Variants in TBL1XR1 observed in about 807,000 individuals in gnomAD.
The protein encoded by TBL1XR1 is F-box-like/WD repeat-containing protein TBL1XR1.
Under a neutral mutation model 66.9 loss-of-function variants are expected in TBL1XR1, and 5 were observed. That is an observed-to-expected ratio of 0.07 (90% CI 0.04 to 0.16). The LOEUF (loss-of-function observed/expected upper bound fraction) is 0.16, where lower values mean the gene tolerates loss of function less well. Ranked by LOEUF, TBL1XR1 falls within the 10% of genes least tolerant of loss-of-function variation. The probability of loss-of-function intolerance (pLI) is 1.00; values close to 1 mark genes in which losing one functional copy is unlikely to be tolerated. For synonymous variants in TBL1XR1, 210 were observed against 206.0 expected, an observed-to-expected ratio of 1.02 and a Z score of -0.17; for missense variants, 238 against 623.2, an observed-to-expected ratio of 0.38 and a Z score of 6.58.
intron 1 of TBL1XR1, among the ~76,000 whole-genome samples, chr3:177,152,443 C>A (rs577852346): frequency 1.6e-3 from 241 of 152,224 alleles, no homozygotes; most frequent in African/African-American, 5.4e-3. Context: ...CCCACCACCA[C>A]GCCCGGCTAA....
chr3:177,149,187 A>G (rs1362238996), intron 1 of TBL1XR1, among the ~76,000 whole-genome samples: 3 of 152,178 alleles, frequency 2.0e-5, no homozygotes, highest in Non-Finnish European at 4.4e-5. Context: ...GTACCTGTCA[A>G]TGGAACAGCA....
At chr3:177,088,800 G>C (rs1286437848) in intron 2 of TBL1XR1, among the ~76,000 whole-genome samples, 1 of 151,888 alleles carries the variant, frequency 6.6e-6, no homozygotes, top group South Asian at 2.1e-4. Flanking sequence ...GCTCTCCAGA[G>C]GCATACATTC....
chr3:177,098,546 G>A lies in TBL1XR1; in HGVS notation c.-121-5C>T, dbSNP rs58414335. 1.0e-6 allele frequency: 1 copy of A among 985,734 alleles called. No individual in the cohort carries two copies. The highest frequency in any genetic ancestry group is 1.2e-6 in the Non-Finnish European group (1 of 829,876). 61.1% of individuals were successfully genotyped at this position (985,734 alleles called of 1,614,324 possible). On this transcript the variant is annotated splice_polypyrimidine_tract_variant and splice_region_variant and intron_variant, in intron 1 of 15. Coordinates refer to ENST00000457928, the MANE Select transcript of TBL1XR1 (RefSeq NM_024665.7). ...CACAAGTTGCTGTTGTTGATGCTGA[G>A]GAAAAGGAAAGTAAAGTATTCAATG...
intron 2 of TBL1XR1, among the ~76,000 whole-genome samples, chr3:177,067,105 G>A (rs1202488181): frequency 2.0e-5 from 3 of 152,160 alleles, no homozygotes; most frequent in Admixed American, 6.5e-5. Context: ...CCAGTAAGGT[G>A]CGGTATTGTG....
chr3:177,184,326 G>A (rs1735161621), intron 1 of TBL1XR1, among the ~76,000 whole-genome samples: 1 of 152,146 alleles, frequency 6.6e-6, no homozygotes. Flanking sequence ...AAATCCCATT[G>A]TGCCAAATAC....
At chr3:177,147,444 C>T (rs1379708771) in intron 1 of TBL1XR1, among the ~76,000 whole-genome samples, 1 of 152,104 alleles carries the variant, frequency 6.6e-6, no homozygotes, top group African/African-American at 2.4e-5. Context: ...GCAAGTTTTC[C>T]AAAACATCAC....
Position 177,172,649 on chromosome 3 carries a change from A to AAG in TBL1XR1, c.-122+24470_-122+24471dup, listed in dbSNP as rs1202909497. Among the ~76,000 whole-genome samples, 22 of 48,674 alleles carry AAG rather than the reference A, an allele frequency of 4.5e-4. No homozygotes were observed. In the South Asian group the frequency reaches 9.3e-3, roughly 21 times the overall value. 31.9% of individuals were successfully genotyped at this position (48,674 alleles called of 152,430 possible). On this transcript the variant is annotated intron_variant, in intron 1 of 15. Coordinates refer to ENST00000457928, the MANE Select transcript of TBL1XR1 (RefSeq NM_024665.7). ...GAAAGAGAGAAGAGAGAGAGAGAGA[A>AAG]AGAGAGAGAGAGAGAAGGGAGGGGA...
At chr3:177,143,341 A>G (rs2108826421) in intron 1 of TBL1XR1, among the ~76,000 whole-genome samples, 2 of 152,230 alleles carry the variant, frequency 1.3e-5, no homozygotes, top group South Asian at 4.2e-4. Context: ...TATAAAGAAC[A>G]TAACTACAGT....
intron 1 of TBL1XR1, among the ~76,000 whole-genome samples, chr3:177,172,043 A>G (rs769666378): frequency 7.0e-4 from 107 of 152,002 alleles, no homozygotes; most frequent in Non-Finnish European, 1.1e-3. Flanking sequence ...AGGCAGGCGG[A>G]TAGGTCAGGA....
intron 2 of TBL1XR1, among the ~76,000 whole-genome samples, chr3:177,091,354 ACTT>A (rs1195572808): frequency 1.3e-5 from 2 of 152,044 alleles, no homozygotes; most frequent in African/African-American, 2.4e-5. Flanking sequence ...TTTATACTCT[ACTT>A]TTGTTTAATA....
chr3:177,194,596 G>A (rs1198724209), intron 1 of TBL1XR1, among the ~76,000 whole-genome samples: 1 of 152,150 alleles, frequency 6.6e-6, no homozygotes, highest in Admixed American at 6.5e-5. Flanking sequence ...CGTCTGACAA[G>A]GTTGTATATA....
intron 1 of TBL1XR1, among the ~76,000 whole-genome samples, chr3:177,159,071 CAAG>C (rs1731855431): frequency 6.6e-6 from 1 of 151,656 alleles, no homozygotes. Context: ...GTAAAAAGAA[CAAG>C]AAGAATTTTT....
chr3:177,194,018 C>CT (rs1736504671), intron 1 of TBL1XR1: 1 of 152,260 alleles, frequency 6.6e-6, no homozygotes, highest in African/African-American at 2.4e-5. Flanking sequence ...CACCTAGTCC[C>CT]TCTCCTCTGG....
intron 3 of TBL1XR1, among the ~76,000 whole-genome samples, chr3:177,057,115 G>T (rs189035751): frequency 6.6e-6 from 1 of 152,014 alleles, no homozygotes; most frequent in African/African-American, 2.4e-5. Flanking sequence ...TACACACCCC[G>T]TCTCACTCCC....
At chr3:177,092,249 T>G (rs1369136765) in intron 2 of TBL1XR1, among the ~76,000 whole-genome samples, 1 of 152,154 alleles carries the variant, frequency 6.6e-6, no homozygotes, top group Non-Finnish European at 1.5e-5. Flanking sequence ...CTGTGAAATA[T>G]TCTGCCACCC....
chr3:177,040,712 G>A (rs1194399014), intron 10 of TBL1XR1, among the ~76,000 whole-genome samples: 1 of 151,830 alleles, frequency 6.6e-6, no homozygotes, highest in African/African-American at 2.4e-5. Flanking sequence ...GACAAATCAG[G>A]TAAGCCCCAA....
chr3:177,166,662 A>C (rs768566795), intron 1 of TBL1XR1, among the ~76,000 whole-genome samples: 3 of 152,170 alleles, frequency 2.0e-5, no homozygotes, highest in Non-Finnish European at 4.4e-5. Flanking sequence ...AGGCCTCCCC[A>C]GCCATGCAGA....
intron 3 of TBL1XR1, among the ~76,000 whole-genome samples, chr3:177,059,889 T>C (rs114095889): frequency 0.024 from 3,615 of 152,296 alleles, 66 homozygotes; most frequent in Non-Finnish European, 0.036. Flanking sequence ...CAGAAGAACA[T>C]AGAAAAGACT....
chr3:177,062,568 A>C (rs1020386574), intron 3 of TBL1XR1, among the ~76,000 whole-genome samples: 1 of 152,200 alleles, frequency 6.6e-6, no homozygotes, highest in Non-Finnish European at 1.5e-5. Flanking sequence ...CTTTCCCTAT[A>C]AATCATAATG....
Sources: allele counts gnomAD v4.1 joint callset (sites outside exome capture counted in the v4.1 genomes callset), GRCh38; gene constraint gnomAD v4.1.1; transcripts MANE v1.5; gene names NCBI Gene and HGNC (gene_info 2026-07-23, HGNC 2026-07-21).